The following TG variants were observed in gnomAD, a reference collection of about 807,000 sequenced individuals.
The protein encoded by TG is thyroglobulin, also known as thyroid hormones.
TG carries 270 observed loss-of-function variants against 324.7 expected under a neutral mutation model. That is an observed-to-expected ratio of 0.83 (90% CI 0.75 to 0.92). The LOEUF is 0.92. Ranked by LOEUF, TG falls within the 40% of genes least tolerant of loss-of-function variation. TG has a pLI of 0.00. For synonymous variants in TG, 1,401 were observed against 1,327.0 expected, an observed-to-expected ratio of 1.06 and a Z score of -1.21; for missense variants, 3,591 against 3,456.4, an observed-to-expected ratio of 1.04 and a Z score of -0.98.
At chr8:132,946,231 A>T (rs1023625665) in intron 26 of TG, among the ~76,000 whole-genome samples, 5 of 151,798 alleles carry the variant, frequency 3.3e-5, no homozygotes, top group African/African-American at 1.2e-4. Flanking sequence ...GGAAAGGTTG[A>T]TTTCGTTTTC....
intron 43 of TG, among the ~76,000 whole-genome samples, chr8:133,098,403 C>G (rs913351980): frequency 9.9e-5 from 15 of 152,190 alleles, no homozygotes; most frequent in Non-Finnish European, 2.2e-4. Flanking sequence ...CTTGCTGCCC[C>G]TAAACACTGT....
intron 41 of TG, among the ~76,000 whole-genome samples, chr8:133,084,554 A>G (rs1327240589): frequency 1.3e-5 from 2 of 152,234 alleles, no homozygotes; most frequent in African/African-American, 2.4e-5. Context: ...AAGCATTTAA[A>G]TGGCTTCTGA....
intron 8 of TG, among the ~76,000 whole-genome samples, chr8:132,883,839 C>T (rs577726943): frequency 6.6e-6 from 1 of 152,158 alleles, no homozygotes; most frequent in Non-Finnish European, 1.5e-5. Context: ...TAATAAATCA[C>T]CACAAAGTGG....
chr8:132,980,184 G>A (rs1441619962), intron 34 of TG, among the ~76,000 whole-genome samples: 2 of 152,022 alleles, frequency 1.3e-5, no homozygotes, highest in Non-Finnish European at 2.9e-5. Context: ...GGTGGCTGGA[G>A]GCCCCTAGAC....
intron 26 of TG, among the ~76,000 whole-genome samples, chr8:132,945,848 A>C (rs967467467): frequency 1.3e-5 from 2 of 152,192 alleles, no homozygotes; most frequent in African/African-American, 4.8e-5. Flanking sequence ...GAGTTCAAAC[A>C]AGGTGATTCC....
intron 23 of TG, among the ~76,000 whole-genome samples, chr8:132,930,858 C>T (rs1563968447): frequency 6.6e-6 from 1 of 152,010 alleles, no homozygotes; most frequent in East Asian, 1.9e-4. Flanking sequence ...AAACAGACAA[C>T]AGTTAGAAAA....
intron 35 of TG, among the ~76,000 whole-genome samples, chr8:133,003,830 G>C (rs1203669536): frequency 6.6e-6 from 1 of 152,084 alleles, no homozygotes; most frequent in Non-Finnish European, 1.5e-5. Flanking sequence ...TGGTTTGCAG[G>C]GGGTATCACC....
intron 35 of TG, chr8:133,002,424 C>T: frequency 1.0e-6 from 1 of 985,070 alleles, no homozygotes; most frequent in Non-Finnish European, 1.2e-6. Flanking sequence ...GCTCAATAAG[C>T]CGCCTCACAT....
chr8:132,998,870 C>T (rs1833153151), intron 35 of TG, among the ~76,000 whole-genome samples: 1 of 152,106 alleles, frequency 6.6e-6, no homozygotes, highest in African/African-American at 2.4e-5. Context: ...AAACTGAGAC[C>T]AGAGTTTCAA....
Position 133,133,590 on chromosome 8 carries a change from T to A in TG, c.8118T>A (p.Asn2706Lys). 1 of 1,614,172 alleles carries A rather than the reference T, an allele frequency of 6.2e-7. No individual in the cohort carries two copies. Among genetic ancestry groups the A allele is most frequent in the Non-Finnish European group, 8.5e-7 (1 of 1,180,026 alleles). Residue 2706 changes from asparagine to lysine, a missense_variant, in exon 47 of 48, where the codon AAT becomes AAA. Physicochemically the swap from Asn to Lys is moderately conservative, Grantham distance 94. Transcript: ENST00000220616. ...NYKEFSELLP[N>K]RQGLKKADCS... ...AGGAGTTCAGTGAGCTGCTCCCCAA[T>A]CGACAGGGCCTGAAGAAAGCCGACT...
At position 132,898,863 on chromosome 8, in the gene TG, C is replaced by T; in HGVS notation, c.3283C>T (p.Gln1095Ter). ...LLSSWKQARS[Q>*]ENPSPKDLFV... is the part of the protein sequence containing the mutation. ...TTCCAGTTGGAAACAGGCTAGATCC[C>T]AAGAAAACCCATCTCCAAAAGACCT... The change falls in exon 14 of 48, where the codon CAA becomes TAA. Residue 1095 changes from glutamine (Q) to a stop codon, truncating the protein, a stop_gained. Coordinates refer to ENST00000220616, the MANE Select transcript of TG (RefSeq NM_003235.5). LOFTEE classifies it high-confidence loss of function. 6.2e-7 allele frequency: 1 copy of T among 1,614,208 alleles called. No individual in the cohort carries two copies. Among genetic ancestry groups the T allele is most frequent in the Non-Finnish European group, 8.5e-7 (1 of 1,180,046 alleles).
intron 45 of TG, among the ~76,000 whole-genome samples, chr8:133,122,056 C>T (rs1851186693): frequency 6.6e-6 from 1 of 152,118 alleles, no homozygotes; most frequent in Non-Finnish European, 1.5e-5. Flanking sequence ...GTTACATTTT[C>T]AGCCATCTGT....
At chr8:132,996,349 G>C (rs1398990065) in intron 35 of TG, among the ~76,000 whole-genome samples, 1 of 152,106 alleles carries the variant, frequency 6.6e-6, no homozygotes, top group Non-Finnish European at 1.5e-5. Flanking sequence ...TGTAGTATGT[G>C]AATAATAATA....
intron 32 of TG, among the ~76,000 whole-genome samples, chr8:132,970,117 A>C (rs1031878376): frequency 5.3e-5 from 8 of 152,078 alleles, no homozygotes; most frequent in Middle Eastern, 3.2e-3. Context: ...ATGGTACTAA[A>C]TTTGATTGTC....
chr8:133,063,718 CTG>C (rs1007569777), intron 41 of TG: 16 of 152,230 alleles, frequency 1.1e-4, no homozygotes, highest in African/African-American at 3.9e-4. Flanking sequence ...ACAGAAGGTG[CTG>C]TGTCCGGGCT....
chr8:133,017,134 T>A (rs1835103121), intron 37 of TG, among the ~76,000 whole-genome samples: 2 of 152,210 alleles, frequency 1.3e-5, no homozygotes, highest in Non-Finnish European at 2.9e-5. Context: ...TACATCACCC[T>A]ATATCACCTG....
At position 132,916,086 on chromosome 8, in the gene TG, C is replaced by T. The variant is rs571870994; in HGVS notation, c.4378+2821C>T. Among the ~76,000 whole-genome samples the T allele has an allele frequency of 2.6e-4, 39 of 152,320 alleles. 1 individual carries two copies. Among genetic ancestry groups the T allele is most frequent in the African/African-American group, 9.1e-4 (38 of 41,570 alleles). ...GAACCGAGGGGCCTATAGTGCCACACAGCTTCAGGAAAGTGCTCTGTGAAG... is the reference window on the plus strand; with the variant it reads ...GAACCGAGGGGCCTATAGTGCCACATAGCTTCAGGAAAGTGCTCTGTGAAG... On this transcript the variant is annotated intron_variant, in intron 20 of 47. Transcript: ENST00000220616.
At chr8:132,963,969 C>T (rs1324273371) in intron 29 of TG, among the ~76,000 whole-genome samples, 1 of 152,030 alleles carries the variant, frequency 6.6e-6, no homozygotes, top group African/African-American at 2.4e-5. Context: ...TCTTGTCTAC[C>T]TCTTATCCCG....
intron 27 of TG, among the ~76,000 whole-genome samples, chr8:132,954,080 G>A (rs935035718): frequency 9.9e-5 from 15 of 152,116 alleles, no homozygotes; most frequent in Non-Finnish European, 1.8e-4. Flanking sequence ...GTGAGGCTTT[G>A]CCTGATGCCT....
Sources: allele counts gnomAD v4.1 joint callset (sites outside exome capture counted in the v4.1 genomes callset), GRCh38; gene constraint gnomAD v4.1.1; transcripts MANE v1.5; gene names NCBI Gene and HGNC (gene_info 2026-07-23, HGNC 2026-07-21).